Variants in ASIC2 observed in about 807,000 individuals in gnomAD.
ASIC2 encodes acid sensing ion channel subunit 2.
Under a neutral mutation model 57.3 loss-of-function variants are expected in ASIC2, and 25 were observed. The observed-to-expected ratio is 0.44, with a 90% CI of 0.32 to 0.61. The LOEUF is 0.61. Ranked by LOEUF, ASIC2 falls within the 20% of genes least tolerant of loss-of-function variation. The probability of loss-of-function intolerance (pLI) is 0.06; values close to 1 mark genes in which losing one functional copy is unlikely to be tolerated. For synonymous variants in ASIC2, 319 were observed against 307.5 expected (o/e 1.04, Z -0.39); for missense variants, 641 against 738.1 (o/e 0.87, Z 1.52).
intron 1 of ASIC2, among the ~76,000 whole-genome samples, chr17:33,618,851 A>G (rs1167691157): frequency 1.3e-5 from 2 of 152,240 alleles, no homozygotes; most frequent in Non-Finnish European, 2.9e-5. Context: ...CCTCAAGTAC[A>G]CCAGGCTCTC....
chr17:33,081,600 G>A (rs2092113357), intron 3 of ASIC2, among the ~76,000 whole-genome samples: 2 of 151,972 alleles, frequency 1.3e-5, no homozygotes, highest in East Asian at 1.9e-4. Context: ...TTTCTAATGG[G>A]GTCCATGAAA....
In ASIC2 at chr17:34,099,441, AAG is replaced by A. The variant is rs1338869120; in HGVS notation, c.555+56535_555+56536del. On this transcript the variant is annotated intron_variant, in intron 1 of 9. Coordinates refer to the ASIC2 transcript ENST00000359872. The stretch of plus-strand genomic sequence containing the variant: ...AAAGAATGAAAGAAAGAAGAAAAGA[AAG>A]AGAAAGAAAGAAAAGAAAGAAAGAG... Among the ~76,000 whole-genome samples, 304 of 120,142 alleles carry A rather than the reference AAG, an allele frequency of 2.5e-3. 2 individuals carry two copies. The highest frequency in any genetic ancestry group is 7.4e-3 in the African/African-American group (276 of 37,314). 78.8% of individuals were successfully genotyped at this position (120,142 alleles called of 152,430 possible). A position where few individuals can be genotyped will look rare whatever the true frequency, so the allele number is the denominator to read the frequency against.
At chr17:33,150,125 A>G (rs1014575763) in intron 1 of ASIC2, among the ~76,000 whole-genome samples, 6 of 152,266 alleles carry the variant, frequency 3.9e-5, no homozygotes, top group African/African-American at 1.4e-4. Context: ...CTGACATTTC[A>G]GCTTCAGATT....
chr17:33,700,044 C>T (rs1202997196), intron 1 of ASIC2, among the ~76,000 whole-genome samples: 1 of 151,980 alleles, frequency 6.6e-6, no homozygotes, highest in East Asian at 1.9e-4. Flanking sequence ...TTTTGGCTAC[C>T]CTGAGACAAG....
chr17:33,898,021 G>A (rs1915139232), intron 1 of ASIC2, among the ~76,000 whole-genome samples: 1 of 152,078 alleles, frequency 6.6e-6, no homozygotes, highest in Non-Finnish European at 1.5e-5. Flanking sequence ...TGAATGAGAT[G>A]AAAATATATT....
intron 1 of ASIC2, among the ~76,000 whole-genome samples, chr17:34,066,061 G>T (rs935364005): frequency 6.6e-6 from 1 of 152,132 alleles, no homozygotes; most frequent in Non-Finnish European, 1.5e-5. Flanking sequence ...TTCGAGAACA[G>T]GAATTTGAGA....
chr17:34,125,798 C>A (rs1911763776), intron 1 of ASIC2, among the ~76,000 whole-genome samples: 1 of 152,218 alleles, frequency 6.6e-6, no homozygotes, highest in Non-Finnish European at 1.5e-5. Context: ...ACCACAGCCG[C>A]TAAGACATGG....
At chr17:33,570,199 T>C (rs1251289964) in intron 1 of ASIC2, among the ~76,000 whole-genome samples, 1 of 152,260 alleles carries the variant, frequency 6.6e-6, no homozygotes, top group Non-Finnish European at 1.5e-5. Context: ...TGTCCTTAAA[T>C]TTATCTTTTT....
chr17:33,229,924 T>C (rs752919869), intron 1 of ASIC2, among the ~76,000 whole-genome samples: 12 of 152,314 alleles, frequency 7.9e-5, no homozygotes, highest in Non-Finnish European at 1.8e-4. Context: ...TAGCCTTTGA[T>C]GGACATGTGA....
At chr17:33,873,737 C>A (rs1162271789) in intron 1 of ASIC2, among the ~76,000 whole-genome samples, 2 of 152,206 alleles carry the variant, frequency 1.3e-5, no homozygotes, top group African/African-American at 2.4e-5. Flanking sequence ...GCCTGTCTAA[C>A]CTTGTGCATA....
At chr17:33,702,186 C>G (rs72812927) in intron 1 of ASIC2, among the ~76,000 whole-genome samples, 25,860 of 152,110 alleles carry the variant, frequency 0.17, 2,431 homozygotes, top group African/African-American at 0.25. Context: ...TACCTCAGTT[C>G]CTTCATCTGT....
intron 3 of ASIC2, among the ~76,000 whole-genome samples, chr17:33,070,507 T>C (rs2092064432): frequency 6.6e-6 from 1 of 152,030 alleles, no homozygotes; most frequent in South Asian, 2.1e-4. Flanking sequence ...CCAGCTAATT[T>C]TTACATTTTT....
At chr17:34,125,366 G>A (rs11870580) in intron 1 of ASIC2, among the ~76,000 whole-genome samples, 74,395 of 152,006 alleles carry the variant, frequency 0.49, 20,176 homozygotes, top group Middle Eastern at 0.62. Flanking sequence ...GGGTGCAGAT[G>A]ATGAAACATC....
chr17:33,076,000 A>T (rs547525381), intron 3 of ASIC2, among the ~76,000 whole-genome samples: 1 of 152,284 alleles, frequency 6.6e-6, no homozygotes, highest in African/African-American at 2.4e-5. Flanking sequence ...AATTCAAATT[A>T]ATTGAATCTC....
At chr17:33,977,037 C>T (rs1905415579) in intron 1 of ASIC2, among the ~76,000 whole-genome samples, 1 of 152,006 alleles carries the variant, frequency 6.6e-6, no homozygotes, top group Non-Finnish European at 1.5e-5. Flanking sequence ...AGGCAGCTGG[C>T]CCCTGGTATT....
intron 1 of ASIC2, among the ~76,000 whole-genome samples, chr17:33,527,403 G>A (rs1037064868): frequency 6.6e-6 from 1 of 152,010 alleles, no homozygotes; most frequent in Non-Finnish European, 1.5e-5. Context: ...TGCCTTGCTC[G>A]AAGCCTAATC....
At chr17:33,307,809 G>A (rs1353590956) in intron 1 of ASIC2, among the ~76,000 whole-genome samples, 1 of 144,154 alleles carries the variant, frequency 6.9e-6, no homozygotes, top group Non-Finnish European at 1.5e-5. Flanking sequence ...TGCAGGGTCA[G>A]CATAAAGATT....
chr17:33,642,240 T>G (rs572348604), intron 1 of ASIC2, among the ~76,000 whole-genome samples: 1 of 143,360 alleles, frequency 7.0e-6, no homozygotes, highest in East Asian at 2.3e-4. Flanking sequence ...TGGTTATGGC[T>G]GCACACCTGG....
At chr17:34,020,825 C>T (rs1019886812) in intron 1 of ASIC2, among the ~76,000 whole-genome samples, 1 of 152,156 alleles carries the variant, frequency 6.6e-6, no homozygotes, top group African/African-American at 2.4e-5. Flanking sequence ...ACTGGAGGAG[C>T]TGGTGGAGCT....
Sources: allele counts gnomAD v4.1 joint callset (sites outside exome capture counted in the v4.1 genomes callset), GRCh38; gene constraint gnomAD v4.1.1; transcripts MANE v1.5; gene names NCBI Gene and HGNC (gene_info 2026-07-23, HGNC 2026-07-21).